BMP5: variants seen among roughly 807,000 people sequenced by gnomAD.
BMP5 encodes bone morphogenetic protein 5.
In BMP5, 23 loss-of-function variants were observed where a neutral mutation model predicts 46.6. The ratio of observed to expected loss-of-function variants is 0.49; its 90% CI spans 0.35 to 0.70. The LOEUF is 0.70. BMP5 is among the 30% of genes least tolerant of loss of function. BMP5 has a pLI of 0.00. For synonymous variants in BMP5, 204 were observed against 191.9 expected (o/e 1.06, Z -0.52); for missense variants, 545 against 565.6 (o/e 0.96, Z 0.37).
chr6:55,798,417 G>A (rs1481320138), intron 2 of BMP5, among the ~76,000 whole-genome samples: 1 of 152,124 alleles, frequency 6.6e-6, no homozygotes, highest in Non-Finnish European at 1.5e-5. Context: ...CACTTATCAA[G>A]ACTGAGAGGT....
chr6:55,772,923 AAAAC>A, intron 4 of BMP5: 1 of 985,096 alleles, frequency 1.0e-6, no homozygotes, highest in South Asian at 4.7e-5. Flanking sequence ...TGAGCAAATA[AAAAC>A]AAACAAATAA....
At chr6:55,840,665 T>G (rs1776925844) in intron 1 of BMP5, among the ~76,000 whole-genome samples, 2 of 152,210 alleles carry the variant, frequency 1.3e-5, no homozygotes, top group Non-Finnish European at 2.9e-5. Flanking sequence ...AGTATGGATT[T>G]TTATCTTTTT....
At chr6:55,758,913 A>T (rs529346654) in intron 6 of BMP5, 92 bp downstream of exon 6, 1 of 904,938 alleles carries the variant, frequency 1.1e-6, no homozygotes, top group South Asian at 1.3e-5. Context: ...AAAATAATGC[A>T]TTAAAATTGT....
At chr6:55,770,818 C>G (rs541628547) in intron 4 of BMP5, among the ~76,000 whole-genome samples, 2 of 151,878 alleles carry the variant, frequency 1.3e-5, no homozygotes, top group Admixed American at 6.6e-5. Flanking sequence ...ATAGGGAACC[C>G]AAGAGAAGGG....
intron 2 of BMP5, among the ~76,000 whole-genome samples, chr6:55,817,516 C>A (rs1431132275): frequency 2.0e-5 from 3 of 151,954 alleles, no homozygotes; most frequent in African/African-American, 7.2e-5. Context: ...AACCAAACAC[C>A]TCATGTTCTC....
intron 2 of BMP5, among the ~76,000 whole-genome samples, chr6:55,806,315 T>C (rs1225031901): frequency 2.0e-5 from 3 of 152,220 alleles, no homozygotes. Flanking sequence ...ACACCATTTA[T>C]TAAATAGGGA....
intron 2 of BMP5, among the ~76,000 whole-genome samples, chr6:55,817,478 T>A (rs887782398): frequency 6.6e-6 from 1 of 152,062 alleles, no homozygotes; most frequent in Non-Finnish European, 1.5e-5. Flanking sequence ...GAAACCATCA[T>A]TCCCAGCAAA....
chr6:55,824,581 G>C (rs569805083), intron 1 of BMP5, among the ~76,000 whole-genome samples: 18 of 151,932 alleles, frequency 1.2e-4, no homozygotes, highest in Non-Finnish European at 2.1e-4. Flanking sequence ...ACCCAGACTT[G>C]TTAAAGGGGA....
intron 5 of BMP5, 144 bp from the exon 6 acceptor site, chr6:55,759,259 A>G: frequency 1.7e-6 from 1 of 593,688 alleles, no homozygotes; most frequent in Non-Finnish European, 2.9e-6. Context: ...GTATCTGAAT[A>G]GGTTTCTATT....
chr6:55,787,123 T>C (rs1350504059), intron 3 of BMP5, among the ~76,000 whole-genome samples: 1 of 151,674 alleles, frequency 6.6e-6, no homozygotes, highest in Non-Finnish European at 1.5e-5. Context: ...CCCAGCCATA[T>C]AGATCATCTA....
At chr6:55,849,359 G>A (rs1777169438) in intron 1 of BMP5, among the ~76,000 whole-genome samples, 1 of 151,928 alleles carries the variant, frequency 6.6e-6, no homozygotes, top group Non-Finnish European at 1.5e-5. Context: ...ATGCAGACAT[G>A]TGCACACATA....
Position 55,841,916 on chromosome 6 carries a change from C to CAGAGAGAGAGAGAGAG in BMP5, c.491-22085_491-22070dup, listed in dbSNP as rs143400522. On this transcript the variant is annotated intron_variant, in intron 1 of 6. Transcript: ENST00000370830. The stretch of plus-strand genomic sequence containing the variant: ...TCAGCCCATAACAGAGAGAGAGAGA[C>CAGAGAGAGAGAGAGAG]AGAGAGAGAGAGAGAGAGAGAGAGA... Among the ~76,000 whole-genome samples, 482 of 146,912 alleles carry CAGAGAGAGAGAGAGAG rather than the reference C, an allele frequency of 3.3e-3. 4 individuals carry two copies. The highest frequency in any genetic ancestry group is 0.012 in the African/African-American group (461 of 39,860).
chr6:55,762,839 T>C (rs1293756542), intron 4 of BMP5, among the ~76,000 whole-genome samples: 2 of 152,124 alleles, frequency 1.3e-5, no homozygotes, highest in East Asian at 3.9e-4. Flanking sequence ...ATAGTAAATA[T>C]GTTGGGCTAA....
At chr6:55,783,209 T>G (rs1393307971) in intron 3 of BMP5, among the ~76,000 whole-genome samples, 1 of 152,076 alleles carries the variant, frequency 6.6e-6, no homozygotes, top group East Asian at 1.9e-4. Context: ...CCACTCTAAT[T>G]GAAACTTAGA....
chr6:55,822,903 T>C (rs1207606015), intron 1 of BMP5, among the ~76,000 whole-genome samples: 1 of 152,100 alleles, frequency 6.6e-6, no homozygotes, highest in Non-Finnish European at 1.5e-5. Context: ...TGCAGACTTG[T>C]CTGGTGATTC....
At position 55,832,729 on chromosome 6, in the gene BMP5, T is replaced by C. The variant is rs181954825; in HGVS notation, c.491-12882A>G. ...TGCCAGGAGGTTACTGAATTTCTTT[T>C]TGAGCTTTATCTTTTTGCTCTGTCA... On this transcript the variant is annotated intron_variant, in intron 1 of 6. Transcript: ENST00000370830. 2.0e-5 allele frequency among the ~76,000 whole-genome samples: 3 copies of C among 152,298 alleles called. No individual in the cohort carries two copies. The East Asian group carries it at 5.8e-4, about 29-fold the overall frequency.
chr6:55,778,802 G>C (rs1775239582), intron 3 of BMP5, among the ~76,000 whole-genome samples: 1 of 151,998 alleles, frequency 6.6e-6, no homozygotes. Context: ...ATGTAGATGA[G>C]GCTGGAGCGC....
chr6:55,850,401 GAT>G lies in BMP5; in HGVS notation c.490+23973_490+23974del, dbSNP rs1405097830. Among the ~76,000 whole-genome samples the G allele has an allele frequency of 9.9e-4, 150 of 150,994 alleles. 1 individual carries two copies. Among genetic ancestry groups the G allele is most frequent in the South Asian group, 4.8e-3 (23 of 4,774 alleles). On this transcript the variant is annotated intron_variant, in intron 1 of 6. Transcript: ENST00000370830. The stretch of plus-strand genomic sequence containing the variant: ...AGATAGATAGATAGATAGATCGATA[GAT>G]ATAGATAGATAGATAGATTAGAGGT...
chr6:55,844,041 T>C (rs1008822675), intron 1 of BMP5, among the ~76,000 whole-genome samples: 3 of 152,038 alleles, frequency 2.0e-5, no homozygotes, highest in Admixed American at 6.6e-5. Flanking sequence ...TGAATATGAA[T>C]CTGTATTTAT....
Sources: gnomAD v4.1 joint callset for allele counts (sites outside exome capture counted in the v4.1 genomes callset) on GRCh38, gnomAD v4.1.1 for gene constraint, MANE v1.5 for transcripts, NCBI Gene and HGNC (gene_info 2026-07-23, HGNC 2026-07-21) for gene names.